THEMIS: variants seen among roughly 807,000 people sequenced by gnomAD.
The protein encoded by THEMIS is thymocyte selection associated, also known as protein THEMIS.
Under a neutral mutation model 52.6 loss-of-function variants are expected in THEMIS, and 37 were observed. The ratio of observed to expected loss-of-function variants is 0.70; its 90% CI spans 0.54 to 0.93. The LOEUF is 0.93. Ranked by LOEUF, THEMIS falls within the 40% of genes least tolerant of loss-of-function variation. THEMIS has a pLI of 0.00. For synonymous variants in THEMIS, 292 were observed against 272.7 expected (o/e 1.07, Z -0.70); for missense variants, 808 against 763.1 (o/e 1.06, Z -0.69).
In THEMIS at chr6:127,813,144, C is replaced by T. The variant is rs768060125; in HGVS notation, c.1497G>A (p.Thr499=). 3.7e-6 allele frequency: 6 copies of T among 1,613,940 alleles called. No individual in the cohort carries two copies. The highest frequency in any genetic ancestry group is 1.3e-5 in the African/African-American group (1 of 74,874). Residue 499 remains threonine (T), a synonymous_variant, in exon 4 of 6, where the codon ACG becomes ACA. Coordinates refer to ENST00000368248, the MANE Select transcript of THEMIS (RefSeq NM_001010923.3). ...GGCCCACAGGAATTTCCCAGCACTC[C>T]GTGGGGTTGGCAAAGTCACTTATGA... is the stretch of plus-strand genomic sequence containing the variant. The part of the protein sequence containing the change: ...YLLISDFANP[T]ECWEIPVGRL...
chr6:127,844,192 T>C (rs1180993909), intron 2 of THEMIS, among the ~76,000 whole-genome samples: 1 of 152,008 alleles, frequency 6.6e-6, no homozygotes, highest in Non-Finnish European at 1.5e-5. Flanking sequence ...TGCTATGTGA[T>C]TTGGGGCAAA....
chr6:127,850,138 G>T (rs1300065528), intron 2 of THEMIS, among the ~76,000 whole-genome samples: 1 of 151,856 alleles, frequency 6.6e-6, no homozygotes, highest in Non-Finnish European at 1.5e-5. Flanking sequence ...TATGAAAAAT[G>T]CCCAACATAA....
chr6:127,867,954 C>T (rs914394202), intron 1 of THEMIS, among the ~76,000 whole-genome samples: 3 of 151,862 alleles, frequency 2.0e-5, no homozygotes, highest in African/African-American at 7.2e-5. Flanking sequence ...AATTTTCTTT[C>T]TTCATTCATT....
At chr6:127,702,903 C>G in the THEMIS span, among the ~76,000 whole-genome samples, 1 of 151,940 alleles carries the variant, frequency 6.6e-6, no homozygotes. Context: ...AGACCTGCCC[C>G]CATGATTCAA....
At chr6:127,851,354 G>T (rs1779418737) in intron 2 of THEMIS, among the ~76,000 whole-genome samples, 1 of 151,594 alleles carries the variant, frequency 6.6e-6, no homozygotes, top group Non-Finnish European at 1.5e-5. Flanking sequence ...ATGATCAAAT[G>T]GTTGAAAATC....
chr6:127,700,173 G>A, the THEMIS span, among the ~76,000 whole-genome samples: 1 of 151,802 alleles, frequency 6.6e-6, no homozygotes, highest in South Asian at 2.1e-4. Flanking sequence ...TTATTTTCAT[G>A]TAATGGGAGA....
chr6:127,899,924 T>TCA (rs997366809), intron 1 of THEMIS, among the ~76,000 whole-genome samples: 1 of 144,570 alleles, frequency 6.9e-6, no homozygotes, highest in African/African-American at 2.5e-5. Flanking sequence ...TATATATATA[T>TCA]AATATATATA....
chr6:127,907,731 T>C (rs1317026420), intron 1 of THEMIS, among the ~76,000 whole-genome samples: 1 of 152,052 alleles, frequency 6.6e-6, no homozygotes, highest in East Asian at 1.9e-4. Flanking sequence ...AACAAAATCA[T>C]AGTACACCCA....
intron 1 of THEMIS, among the ~76,000 whole-genome samples, chr6:127,860,443 A>T (rs749322999): frequency 6.6e-6 from 1 of 152,110 alleles, no homozygotes; most frequent in Non-Finnish European, 1.5e-5. Context: ...GGGATTACAT[A>T]ATAAGAAAAG....
intron 1 of THEMIS, among the ~76,000 whole-genome samples, chr6:127,881,058 C>T (rs1780470678): frequency 6.6e-6 from 1 of 152,000 alleles, no homozygotes; most frequent in South Asian, 2.1e-4. Flanking sequence ...TCAAAGCAGA[C>T]ATTTCTAAAA....
upstream of THEMIS, among the ~76,000 whole-genome samples, chr6:127,905,230 GA>G (rs916499402): frequency 4.6e-5 from 7 of 151,964 alleles, no homozygotes; most frequent in Non-Finnish European, 8.8e-5. Context: ...CAAAGTCAAA[GA>G]GAATATCTTA....
intron 2 of THEMIS, among the ~76,000 whole-genome samples, chr6:127,842,021 T>C (rs929485161): frequency 3.9e-5 from 6 of 151,980 alleles, no homozygotes. Context: ...TGTTTTATCA[T>C]AACATCCAGA....
intron 4 of THEMIS, 61 bp from the exon 5 acceptor site, chr6:127,719,884 G>A (rs1774305900): frequency 1.3e-6 from 2 of 1,579,808 alleles, no homozygotes; most frequent in Non-Finnish European, 8.6e-7. Context: ...ATAGAGATAT[G>A]AAAGATTTAT....
chr6:127,855,640 T>C (rs1312835869), intron 1 of THEMIS, among the ~76,000 whole-genome samples: 2 of 151,932 alleles, frequency 1.3e-5, no homozygotes, highest in African/African-American at 2.4e-5. Context: ...AAGAGGGTCA[T>C]ATTTATTTAT....
At chr6:127,719,566 G>A (rs1038842912) in intron 5 of THEMIS, 122 bp downstream of exon 5, 1 of 791,878 alleles carries the variant, frequency 1.3e-6, no homozygotes, top group Non-Finnish European at 1.9e-6. Context: ...GCAGAGCAGG[G>A]TGATCACTTG....
chr6:127,851,037 A>G (rs1157285121), intron 2 of THEMIS, among the ~76,000 whole-genome samples: 3 of 151,736 alleles, frequency 2.0e-5, no homozygotes, highest in South Asian at 4.1e-4. Flanking sequence ...TGAGAATAAT[A>G]TCTTACCAAA....
At position 127,709,802 on chromosome 6, in the gene THEMIS, T is replaced by C. The variant is rs904293956; in HGVS notation, c.*183A>G. On this transcript the variant is annotated 3_prime_UTR_variant, in exon 6 of 6. Coordinates refer to ENST00000368248, the MANE Select transcript of THEMIS (RefSeq NM_001010923.3). The stretch of plus-strand genomic sequence containing the variant: ...ACAACAGAATAGACTATATGAATTC[T>C]ATATCATAGGTTTCTGTAAGTTTTA... 3.5e-5 allele frequency: 20 copies of C among 568,906 alleles called. No homozygotes were observed. The highest frequency in any genetic ancestry group is 6.1e-5 in the Non-Finnish European group (20 of 327,760). 35.2% of individuals were successfully genotyped at this position (568,906 alleles called of 1,614,324 possible).
intron 4 of THEMIS, among the ~76,000 whole-genome samples, chr6:127,773,059 T>C (rs1776440445): frequency 1.3e-5 from 2 of 152,176 alleles, no homozygotes; most frequent in African/African-American, 2.4e-5. Flanking sequence ...CTAAAGCATC[T>C]AAGTAACTTT....
intron 1 of THEMIS, among the ~76,000 whole-genome samples, chr6:127,869,284 C>T (rs1313664816): frequency 2.0e-5 from 3 of 152,120 alleles, no homozygotes; most frequent in Admixed American, 2.0e-4. Flanking sequence ...ATAGCTTAGC[C>T]TAAACTACCT....
Sources: gnomAD v4.1 joint callset for allele counts (sites outside exome capture counted in the v4.1 genomes callset) on GRCh38, gnomAD v4.1.1 for gene constraint, MANE v1.5 for transcripts, NCBI Gene and HGNC (gene_info 2026-07-23, HGNC 2026-07-21) for gene names.